Variants in FAF1 observed in about 807,000 individuals in gnomAD.
FAF1 encodes Fas associated factor 1, also known as FAS-associated factor 1.
A neutral mutation model predicts 92.5 loss-of-function variants in FAF1; 25 were observed. That is an observed-to-expected ratio of 0.27 (90% confidence interval 0.20 to 0.38). The LOEUF (loss-of-function observed/expected upper bound fraction) is 0.38. FAF1 is among the 10% of genes least tolerant of loss of function. The probability of loss-of-function intolerance (pLI) is 1.00; values close to 1 mark genes in which losing one functional copy is unlikely to be tolerated. For missense variants in FAF1, 636 were observed against 793.3 expected, an observed-to-expected ratio of 0.80 and a Z score of 2.38; for synonymous variants, 234 against 273.2, an observed-to-expected ratio of 0.86 and a Z score of 1.42.
chr1:50,552,316 T>G (rs550905008), intron 13 of FAF1, among the ~76,000 whole-genome samples: 17 of 147,722 alleles, frequency 1.2e-4, no homozygotes, highest in Non-Finnish European at 1.6e-4. Context: ...AAAAAAAAAC[T>G]TCAGCTAGAG....
At chr1:50,718,627 A>G (rs759816627) in intron 6 of FAF1, among the ~76,000 whole-genome samples, 9 of 152,228 alleles carry the variant, frequency 5.9e-5, no homozygotes, top group African/African-American at 1.2e-4. Flanking sequence ...TTTATTTTCT[A>G]AATATGGCCT....
chr1:50,798,460 A>G (rs910391264), intron 3 of FAF1, among the ~76,000 whole-genome samples: 3 of 152,230 alleles, frequency 2.0e-5, no homozygotes, highest in Admixed American at 1.3e-4. Context: ...ATTTCTTCCT[A>G]AAAATATCTC....
At chr1:50,665,986 G>C (rs1557464105) in intron 7 of FAF1, among the ~76,000 whole-genome samples, 1 of 151,984 alleles carries the variant, frequency 6.6e-6, no homozygotes, top group Non-Finnish European at 1.5e-5. Context: ...ACACCAGTCT[G>C]GCCAACATGG....
At chr1:50,520,539 A>G (rs1295941802) in intron 15 of FAF1, among the ~76,000 whole-genome samples, 1 of 152,178 alleles carries the variant, frequency 6.6e-6, no homozygotes, top group East Asian at 1.9e-4. Flanking sequence ...TGTACTTTCC[A>G]GAACCAGATC....
intron 9 of FAF1, among the ~76,000 whole-genome samples, chr1:50,585,880 T>TAAA (rs958484582): frequency 3.8e-4 from 34 of 90,654 alleles, no homozygotes; most frequent in South Asian, 1.2e-3. Flanking sequence ...CATCTCTACA[T>TAAA]AAAAAAAAAA....
At chr1:50,911,167 A>G (rs1031833608) in intron 1 of FAF1, among the ~76,000 whole-genome samples, 8 of 151,592 alleles carry the variant, frequency 5.3e-5, no homozygotes, top group Non-Finnish European at 1.2e-4. Flanking sequence ...CTGCCTCCCC[A>G]GTTCAAGCAA....
intron 1 of FAF1, among the ~76,000 whole-genome samples, chr1:50,922,712 TG>T (rs1644974734): frequency 7.4e-6 from 1 of 136,010 alleles, no homozygotes; most frequent in South Asian, 2.3e-4. Flanking sequence ...CAGCTACTTG[TG>T]GGGGCTGAGG....
chr1:50,519,415 AGAAG>A (rs144253773), intron 15 of FAF1, among the ~76,000 whole-genome samples: 19,665 of 89,576 alleles, frequency 0.22, 1,850 homozygotes, highest in African/African-American at 0.34. Context: ...AGGGAGGGAG[AGAAG>A]GAAGGAAGGA....
chr1:50,476,958 G>A (rs1256017634), intron 17 of FAF1, among the ~76,000 whole-genome samples: 1 of 152,162 alleles, frequency 6.6e-6, no homozygotes, highest in Non-Finnish European at 1.5e-5. Flanking sequence ...CCTACAGAGG[G>A]TAGGGGAAAC....
At chr1:50,888,624 T>C (rs1342255097) in intron 1 of FAF1, among the ~76,000 whole-genome samples, 2 of 152,130 alleles carry the variant, frequency 1.3e-5, no homozygotes, top group Non-Finnish European at 2.9e-5. Context: ...TCTGCATCGA[T>C]TAGGTTTTTG....
At chr1:50,642,047 C>T (rs1036981520) in intron 8 of FAF1, among the ~76,000 whole-genome samples, 1 of 151,712 alleles carries the variant, frequency 6.6e-6, no homozygotes, top group Non-Finnish European at 1.5e-5. Context: ...TACTGAAATA[C>T]AAAAAATCAA....
intron 6 of FAF1, among the ~76,000 whole-genome samples, chr1:50,724,023 A>T (rs1157857733): frequency 1.3e-5 from 2 of 152,022 alleles, no homozygotes; most frequent in African/African-American, 2.4e-5. Context: ...TGCTGGGATT[A>T]TAGGCGTGAG....
intron 6 of FAF1, among the ~76,000 whole-genome samples, chr1:50,718,804 C>CT (rs1658294435): frequency 6.6e-6 from 1 of 152,018 alleles, no homozygotes; most frequent in African/African-American, 2.4e-5. Context: ...TTTAGGAATA[C>CT]TTTGTGATCT....
At chr1:50,512,674 C>G (rs540514083) in intron 15 of FAF1, among the ~76,000 whole-genome samples, 20 of 152,150 alleles carry the variant, frequency 1.3e-4, no homozygotes, top group Non-Finnish European at 2.2e-4. Flanking sequence ...AGTATAATGC[C>G]TCCAGCTCTG....
intron 7 of FAF1, among the ~76,000 whole-genome samples, chr1:50,664,742 C>T (rs757086763): frequency 6.6e-6 from 1 of 152,192 alleles, no homozygotes; most frequent in East Asian, 1.9e-4. Flanking sequence ...TGCAGAGAGT[C>T]GAGATCGCGC....
intron 13 of FAF1, among the ~76,000 whole-genome samples, chr1:50,549,176 C>T (rs1247081981): frequency 6.6e-6 from 1 of 152,186 alleles, no homozygotes; most frequent in African/African-American, 2.4e-5. Flanking sequence ...GCACCAACAT[C>T]ATTGTAAGAT....
chr1:50,763,008 C>T (rs950502776), intron 4 of FAF1, among the ~76,000 whole-genome samples: 10 of 152,130 alleles, frequency 6.6e-5, no homozygotes, highest in Admixed American at 5.9e-4. Flanking sequence ...GTAATCCCAG[C>T]ACTTTGGGAG....
chr1:50,867,530 T>C (rs775766811), intron 1 of FAF1, among the ~76,000 whole-genome samples: 7 of 151,622 alleles, frequency 4.6e-5, no homozygotes, highest in Non-Finnish European at 8.8e-5. Context: ...GGGACATGAA[T>C]AGACAATTCT....
At chr1:50,502,924 AT>A (rs917468937) in intron 15 of FAF1, among the ~76,000 whole-genome samples, 14 of 151,132 alleles carry the variant, frequency 9.3e-5, no homozygotes, top group South Asian at 6.3e-4. Flanking sequence ...GGCTCAAGTG[AT>A]TTTTTTTTCC....
Sources: gnomAD v4.1 joint callset for allele counts (sites outside exome capture counted in the v4.1 genomes callset) on GRCh38, gnomAD v4.1.1 for gene constraint, MANE v1.5 for transcripts, NCBI Gene and HGNC (gene_info 2026-07-23, HGNC 2026-07-21) for gene names.